The following DENND1B variants were observed in gnomAD, a reference collection of about 807,000 sequenced individuals.
DENND1B encodes the protein DENN domain containing 1B.
DENND1B carries 59 observed loss-of-function variants against 90.1 expected under a neutral mutation model. The observed-to-expected ratio is 0.65, with a 90% CI of 0.53 to 0.81. DENND1B has a LOEUF of 0.81. Ranked by LOEUF, DENND1B falls within the 40% of genes least tolerant of loss-of-function variation. The pLI is 0.00. For missense variants in DENND1B, 862 were observed against 912.6 expected (o/e 0.94, Z 0.71); for synonymous variants, 337 against 324.6 (o/e 1.04, Z -0.41).
At position 197,672,048 on chromosome 1, in the gene DENND1B, T is replaced by C. The variant is rs751068122; in HGVS notation, c.285A>G (p.Leu95=). The change falls in exon 5 of 23, where the codon TTA becomes TTG. Residue 95 remains leucine, a synonymous_variant. Coordinates refer to ENST00000620048, the MANE Select transcript of DENND1B (RefSeq NM_001195215.2). ...CTACAAATACTCACCTAAGGATGCATAAACAAATTGTGCCTCCTGACGTCA... is the reference window on the plus strand; with the variant it reads ...CTACAAATACTCACCTAAGGATGCACAAACAAATTGTGCCTCCTGACGTCA... ...CRLTSGGTIC[L]CILSYLPWFE... 2 of 1,612,096 alleles carry C rather than the reference T, an allele frequency of 1.2e-6. No individual in the cohort carries two copies. Among genetic ancestry groups the C allele is most frequent in the South Asian group, 2.2e-5 (2 of 90,846 alleles).
intron 2 of DENND1B, among the ~76,000 whole-genome samples, chr1:197,725,014 A>T (rs1341624949): frequency 6.6e-6 from 1 of 152,148 alleles, no homozygotes; most frequent in African/African-American, 2.4e-5. Context: ...CAGACCAAAG[A>T]TACCAGACTG....
At chr1:197,715,480 A>G (rs1571472307) in intron 2 of DENND1B, among the ~76,000 whole-genome samples, 1 of 152,008 alleles carries the variant, frequency 6.6e-6, no homozygotes, top group African/African-American at 2.4e-5. Flanking sequence ...AATAAAATAT[A>G]TTATAGCTCT....
intron 13 of DENND1B, among the ~76,000 whole-genome samples, chr1:197,602,412 A>G (rs1286185922): frequency 1.3e-5 from 2 of 151,458 alleles, no homozygotes; most frequent in Admixed American, 1.3e-4. Flanking sequence ...ACTGAAAGCA[A>G]TATTTGTCTC....
chr1:197,753,641 A>G (rs971631588), intron 2 of DENND1B, among the ~76,000 whole-genome samples: 1 of 152,076 alleles, frequency 6.6e-6, no homozygotes, highest in Non-Finnish European at 1.5e-5. Flanking sequence ...TGCAGATGTC[A>G]GGGCAAGTGA....
At chr1:197,692,351 T>C (rs2102096116) in intron 3 of DENND1B, among the ~76,000 whole-genome samples, 1 of 152,022 alleles carries the variant, frequency 6.6e-6, no homozygotes. Context: ...TACCATTTTA[T>C]GGTTATTTCC....
intron 15 of DENND1B, among the ~76,000 whole-genome samples, chr1:197,564,486 G>A (rs1672455157): frequency 6.8e-6 from 1 of 146,176 alleles, no homozygotes; most frequent in Non-Finnish European, 1.5e-5. Flanking sequence ...TTCAATTAAG[G>A]TATGTACATT....
At chr1:197,659,805 C>T (rs371689090) in intron 5 of DENND1B, among the ~76,000 whole-genome samples, 5 of 151,886 alleles carry the variant, frequency 3.3e-5, no homozygotes, top group East Asian at 1.9e-4. Context: ...AAAAGCCCCT[C>T]GAAGTCCTAT....
At chr1:197,552,862 A>G in intron 16 of DENND1B, 160 bp downstream of exon 16, 1 of 1,395,568 alleles carries the variant, frequency 7.2e-7, no homozygotes, top group Non-Finnish European at 9.2e-7. Flanking sequence ...AAAATAAGCT[A>G]ATTCCATAGC....
chr1:197,619,903 C>G (rs952707772), intron 10 of DENND1B, among the ~76,000 whole-genome samples: 1 of 151,054 alleles, frequency 6.6e-6, no homozygotes, highest in Non-Finnish European at 1.5e-5. Context: ...AGAAGAGAAC[C>G]GAGTCTACAG....
intron 3 of DENND1B, among the ~76,000 whole-genome samples, chr1:197,703,977 T>C (rs1659281180): frequency 6.6e-6 from 1 of 152,144 alleles, no homozygotes; most frequent in Non-Finnish European, 1.5e-5. Context: ...TTGGTCAGAC[T>C]CATGCCTGTA....
chr1:197,593,110 A>G (rs952730648), intron 14 of DENND1B, among the ~76,000 whole-genome samples: 1 of 152,040 alleles, frequency 6.6e-6, no homozygotes, highest in Non-Finnish European at 1.5e-5. Context: ...GACCGAAAAG[A>G]ATTATAAAAC....
At position 197,569,835 on chromosome 1, in the gene DENND1B, T is replaced by C. The variant is rs1262546445; in HGVS notation, c.1149+13317A>G. On this transcript the variant is annotated intron_variant, in intron 15 of 22. Coordinates refer to ENST00000620048, the MANE Select transcript of DENND1B (RefSeq NM_001195215.2). ...AGGAATAACAAGTTCAGGAATTCTA[T>C]TGTTCAACATGGAGAGTACAGTTAA... Among the ~76,000 whole-genome samples, 6 of 152,258 alleles carry C rather than the reference T, an allele frequency of 3.9e-5. 1 individual carries two copies. The South Asian group carries it at 1.0e-3, about 26-fold the overall frequency.
intron 10 of DENND1B, 61 bp from the exon 11 acceptor site, chr1:197,617,820 T>C: frequency 8.9e-7 from 1 of 1,117,578 alleles, no homozygotes; most frequent in South Asian, 1.3e-5. Flanking sequence ...CAAAAAGCAA[T>C]GTTCAATGTA....
At chr1:197,543,343 T>C (rs1252050132) in intron 18 of DENND1B, among the ~76,000 whole-genome samples, 1 of 152,168 alleles carries the variant, frequency 6.6e-6, no homozygotes, top group Non-Finnish European at 1.5e-5. Flanking sequence ...TGAATAGGGT[T>C]TTGAACATGT....
intron 3 of DENND1B, among the ~76,000 whole-genome samples, chr1:197,706,735 AC>A (rs1348161362): frequency 6.6e-6 from 1 of 152,172 alleles, no homozygotes; most frequent in African/African-American, 2.4e-5. Context: ...TTATCATCTC[AC>A]CCCAGTTACA....
intron 2 of DENND1B, chr1:197,736,145 T>TA (rs35362999): frequency 0.031 from 15,470 of 493,406 alleles, 90 homozygotes; most frequent in African/African-American, 0.067. Context: ...ATATTGGACT[T>TA]AAAAAAAAAA....
At chr1:197,640,084 C>A (rs1250893066) in intron 10 of DENND1B, among the ~76,000 whole-genome samples, 1 of 152,068 alleles carries the variant, frequency 6.6e-6, no homozygotes, top group Non-Finnish European at 1.5e-5. Flanking sequence ...AAATACTAAG[C>A]CTTTATGATA....
chr1:197,529,707 A>G (rs1669483284), intron 20 of DENND1B, among the ~76,000 whole-genome samples: 1 of 152,202 alleles, frequency 6.6e-6, no homozygotes, highest in Non-Finnish European at 1.5e-5. Context: ...TAGAAAAGAA[A>G]ATGTTAGTAA....
chr1:197,644,364 GT>G (rs2125921393), intron 9 of DENND1B, among the ~76,000 whole-genome samples: 1 of 152,124 alleles, frequency 6.6e-6, no homozygotes, highest in African/African-American at 2.4e-5. Flanking sequence ...TTGAATGTTT[GT>G]TTCCTTGAAA....
Sources: allele counts gnomAD v4.1 joint callset (sites outside exome capture counted in the v4.1 genomes callset), GRCh38; gene constraint gnomAD v4.1.1; transcripts MANE v1.5; gene names NCBI Gene and HGNC (gene_info 2026-07-23, HGNC 2026-07-21).